The following SAXO5 variants were observed in gnomAD, a reference collection of about 807,000 sequenced individuals.
The protein encoded by SAXO5 is testis expressed 45.
chr19:7,506,503 C>T, the SAXO5 span: 2,072 of 408,364 alleles, frequency 5.1e-3, 43 homozygotes, highest in African/African-American at 0.041. Context: ...TCTCCATCCT[C>T]TCTTATCCAG....
the SAXO5 span, among the ~76,000 whole-genome samples, chr19:7,498,700 A>C: frequency 3.3e-5 from 5 of 151,998 alleles, no homozygotes; most frequent in Admixed American, 6.6e-5. Flanking sequence ...CGTCTGATCC[A>C]TGTTTTCTAA....
the SAXO5 span, chr19:7,505,898 T>C: frequency 1.4e-5 from 21 of 1,463,024 alleles, no homozygotes; most frequent in East Asian, 4.8e-4. Flanking sequence ...GCCCACCTCC[T>C]CCCTCCCCCC....
the SAXO5 span, among the ~76,000 whole-genome samples, chr19:7,501,866 A>G: frequency 0.01 from 1,476 of 146,502 alleles, 26 homozygotes; most frequent in African/African-American, 0.036. Flanking sequence ...AGAAAGAGAG[A>G]GAGAGAGAGA....
At chr19:7,506,656 T>C in the SAXO5 span, 1 of 345,228 alleles carries the variant, frequency 2.9e-6, no homozygotes, top group Non-Finnish European at 5.5e-6. Flanking sequence ...GTTCCTCCCC[T>C]AGCTCCTCCG....
At chr19:7,504,542 CT>C in the SAXO5 span, 1 of 674,318 alleles carries the variant, frequency 1.5e-6, no homozygotes, top group East Asian at 2.7e-5. Context: ...CCTGTCTCTA[CT>C]AAAAATACAA....
chr19:7,504,410 AG>A, the SAXO5 span: 2 of 1,613,422 alleles, frequency 1.2e-6, no homozygotes, highest in South Asian at 2.2e-5. Context: ...GCCTGAAGAT[AG>A]GTATAAAGGG....
At chr19:7,506,237 C>T in the SAXO5 span, 12 of 670,936 alleles carry the variant, frequency 1.8e-5, no homozygotes, top group South Asian at 1.6e-4. Flanking sequence ...AGCCCCGCCC[C>T]CATGGAGCCC....
At chr19:7,505,920 A>AC in the SAXO5 span, 5 of 1,502,028 alleles carry the variant, frequency 3.3e-6, no homozygotes, top group Admixed American at 4.3e-5. Context: ...GGGCCCGGGG[A>AC]CCTCTCGGAC....
chr19:7,505,459 G>T, the SAXO5 span: 1 of 1,613,518 alleles, frequency 6.2e-7, no homozygotes, highest in Non-Finnish European at 8.5e-7. Flanking sequence ...GGCCCGCCCC[G>T]TCCCGCCTCC....
the SAXO5 span, chr19:7,500,847 T>C: frequency 6.5e-7 from 1 of 1,529,860 alleles, no homozygotes; most frequent in Non-Finnish European, 8.8e-7. Flanking sequence ...CCTCCTGCCG[T>C]GCTCGCGCCC....
chr19:7,501,234 C>T, the SAXO5 span: 8 of 1,554,196 alleles, frequency 5.1e-6, no homozygotes, highest in Non-Finnish European at 2.6e-6. Context: ...GCCCGAGCTG[C>T]CGGCGCGCAC....
chr19:7,508,412 G>A, the SAXO5 span: 2 of 1,610,516 alleles, frequency 1.2e-6, no homozygotes, highest in Non-Finnish European at 1.7e-6. Context: ...CTATGTACCT[G>A]TGCCCCAGCC....
At chr19:7,502,627 T>C in the SAXO5 span, among the ~76,000 whole-genome samples, 4 of 152,080 alleles carry the variant, frequency 2.6e-5, no homozygotes, top group Admixed American at 2.6e-4. Context: ...GCAGAAGTCA[T>C]GAATGCCAGT....
At chr19:7,497,709 G>A in the SAXO5 span, 1 of 152,168 alleles carries the variant, frequency 6.6e-6, no homozygotes, top group Non-Finnish European at 1.5e-5. Flanking sequence ...CGTCCCTGAT[G>A]TACAGAGGTG....
the SAXO5 span, chr19:7,501,318 C>T: frequency 1.3e-6 from 2 of 1,572,146 alleles, no homozygotes; most frequent in South Asian, 2.3e-5. Context: ...CGACAAGTTG[C>T]GCATCCCGCC....
chr19:7,498,393 C>CTTTTTT, the SAXO5 span, among the ~76,000 whole-genome samples: 2 of 115,354 alleles, frequency 1.7e-5, no homozygotes, highest in Non-Finnish European at 3.5e-5. Context: ...GTATTTTTTT[C>CTTTTTT]TTTTTTTTTT....
the SAXO5 span, chr19:7,501,387 A>C: frequency 6.7e-7 from 1 of 1,496,542 alleles, no homozygotes; most frequent in African/African-American, 1.5e-5. Context: ...TCGCGCGCCC[A>C]GTTGCCACCT....
the SAXO5 span, among the ~76,000 whole-genome samples, chr19:7,499,109 C>G: frequency 3.3e-5 from 5 of 151,800 alleles, 1 homozygote; most frequent in Admixed American, 3.3e-4. Flanking sequence ...GTCAGGAGTT[C>G]GAGACCAGCC....
At chr19:7,499,807 TA>T in the SAXO5 span, 883 of 145,296 alleles carry the variant, frequency 6.1e-3, 8 homozygotes, top group African/African-American at 0.02. Flanking sequence ...CCCCTGTCTC[TA>T]AAAAAAAAAA....
Sources: gnomAD v4.1 joint callset for allele counts (sites outside exome capture counted in the v4.1 genomes callset) on GRCh38, gnomAD v4.1.1 for gene constraint, MANE v1.5 for transcripts, NCBI Gene and HGNC (gene_info 2026-07-23, HGNC 2026-07-21) for gene names.